PLCZ1: variants seen among roughly 807,000 people sequenced by gnomAD.
PLCZ1 encodes phospholipase C zeta 1, also known as 1-phosphatidylinositol 4,5-bisphosphate phosphodiesterase zeta-1.
In PLCZ1, 64 loss-of-function variants were observed where a neutral mutation model predicts 76.8. The observed-to-expected ratio is 0.83, with a 90% CI of 0.68 to 1.03. The LOEUF is 1.03. PLCZ1 is among the 50% of genes least tolerant of loss of function. The pLI, the probability that PLCZ1 is intolerant of heterozygous loss-of-function variation, is 0.00. For missense variants in PLCZ1, 751 were observed against 713.7 expected (o/e 1.05, Z -0.60); for synonymous variants, 248 against 230.8 (o/e 1.07, Z -0.68).
intron 3 of PLCZ1, among the ~76,000 whole-genome samples, chr12:18,727,531 C>T (rs1346315759): frequency 6.6e-6 from 1 of 152,070 alleles, no homozygotes; most frequent in East Asian, 1.9e-4. Flanking sequence ...GGGGCTAATT[C>T]TATTTGTTAA....
chr12:18,690,282 G>T (rs1164908660), intron 12 of PLCZ1, among the ~76,000 whole-genome samples: 1 of 152,022 alleles, frequency 6.6e-6, no homozygotes, highest in Non-Finnish European at 1.5e-5. Flanking sequence ...GGAGTGCAAC[G>T]GTGCGACCTC....
At chr12:18,719,984 A>G (rs1958344127) in intron 4 of PLCZ1, among the ~76,000 whole-genome samples, 1 of 152,082 alleles carries the variant, frequency 6.6e-6, no homozygotes, top group Non-Finnish European at 1.5e-5. Context: ...GCAGTGTTCC[A>G]GAAGCCTGCC....
chr12:18,734,382 G>T (rs1330080732), intron 3 of PLCZ1, among the ~76,000 whole-genome samples: 2 of 151,980 alleles, frequency 1.3e-5, no homozygotes, highest in African/African-American at 4.8e-5. Flanking sequence ...GAGGACTCTC[G>T]CTCTGTTGCC....
At chr12:18,724,832 G>T (rs905411827) in intron 3 of PLCZ1, among the ~76,000 whole-genome samples, 36 of 151,846 alleles carry the variant, frequency 2.4e-4, no homozygotes, top group Admixed American at 2.0e-4. Context: ...TGAAAATTTT[G>T]GTTATAGAAA....
chr12:18,673,627 A>G, the PLCZ1 span, among the ~76,000 whole-genome samples: 8 of 152,218 alleles, frequency 5.3e-5, no homozygotes, highest in Non-Finnish European at 1.0e-4. Context: ...AAGAATACGC[A>G]TTAATTATCT....
the PLCZ1 span, among the ~76,000 whole-genome samples, chr12:18,649,427 C>G: frequency 2.6e-5 from 4 of 152,136 alleles, no homozygotes; most frequent in Non-Finnish European, 5.9e-5. Flanking sequence ...CTCTTCTACT[C>G]AAATCATCAT....
the PLCZ1 span, among the ~76,000 whole-genome samples, chr12:18,648,875 T>A: frequency 1.3e-5 from 2 of 152,154 alleles, no homozygotes; most frequent in Non-Finnish European, 2.9e-5. Context: ...AAAAAAATTT[T>A]TTAATCTTGC....
the PLCZ1 span, among the ~76,000 whole-genome samples, chr12:18,650,694 G>T: frequency 2.6e-5 from 1 of 38,862 alleles, no homozygotes; most frequent in Non-Finnish European, 3.9e-5. Context: ...GTGTGTGTGT[G>T]TGTGTGTGTG....
intron 6 of PLCZ1, 85 bp downstream of exon 6, chr12:18,712,757 G>A (rs1957492379): frequency 6.7e-7 from 1 of 1,484,398 alleles, no homozygotes; most frequent in Non-Finnish European, 9.4e-7. Context: ...TCTAAAGTAA[G>A]GCTAAGCATT....
chr12:18,686,968 C>A (rs1360264146), intron 13 of PLCZ1, among the ~76,000 whole-genome samples: 1 of 152,030 alleles, frequency 6.6e-6, no homozygotes, highest in East Asian at 1.9e-4. Context: ...AATTAAGTTT[C>A]TAAGCATTTT....
chr12:18,652,429 G>A, the PLCZ1 span, among the ~76,000 whole-genome samples: 1 of 152,138 alleles, frequency 6.6e-6, no homozygotes, highest in African/African-American at 2.4e-5. Context: ...AAGAGGCATG[G>A]CAGAGATTCT....
At chr12:18,735,611 A>G (rs1437575248) in intron 3 of PLCZ1, among the ~76,000 whole-genome samples, 2 of 151,932 alleles carry the variant, frequency 1.3e-5, no homozygotes, top group South Asian at 2.1e-4. Context: ...GATGGGTTAT[A>G]TGGTTCTTGA....
At chr12:18,687,409 T>C (rs1953324139) in intron 13 of PLCZ1, among the ~76,000 whole-genome samples, 1 of 152,162 alleles carries the variant, frequency 6.6e-6, no homozygotes, top group South Asian at 2.1e-4. Context: ...TCAGTTCCAA[T>C]GTCTCCTTCA....
chr12:18,678,757 G>A (rs943391517), downstream of PLCZ1, among the ~76,000 whole-genome samples: 2 of 151,902 alleles, frequency 1.3e-5, no homozygotes, highest in African/African-American at 2.4e-5. Flanking sequence ...ATGAACATTT[G>A]GGCTGTTTCC....
In PLCZ1 at chr12:18,715,649, C is replaced by CTGTTTT. The variant is rs979900938; in HGVS notation, c.570-2669_570-2664dup. 4 of 152,178 alleles carry CTGTTTT rather than the reference C, an allele frequency of 2.6e-5. No homozygotes were observed. The Middle Eastern group carries it at 0.014, about 518-fold the overall frequency. The allele number at this position is 152,178 out of a possible 1,614,324, so 9.4% of individuals were successfully genotyped here. ...TAAATTTTGCTTTTTGTTTTTGTGT[C>CTGTTTT]TGTTTTTGTTTTTGTTTTTTTGTTG... is the stretch of plus-strand genomic sequence containing the variant. On this transcript the variant is annotated intron_variant, in intron 5 of 14. Transcript: ENST00000266505.
intron 3 of PLCZ1, among the ~76,000 whole-genome samples, chr12:18,724,979 G>C (rs1425130872): frequency 5.3e-5 from 8 of 152,166 alleles, no homozygotes; most frequent in Non-Finnish European, 1.2e-4. Flanking sequence ...CTGATAATTT[G>C]TTTTGTCTCG....
At chr12:18,652,749 A>G in the PLCZ1 span, among the ~76,000 whole-genome samples, 1 of 152,140 alleles carries the variant, frequency 6.6e-6, no homozygotes, top group Non-Finnish European at 1.5e-5. Flanking sequence ...GGCTTTTTAC[A>G]TGTATATTTT....
At chr12:18,692,121 A>G (rs1954188104) in intron 12 of PLCZ1, among the ~76,000 whole-genome samples, 1 of 152,168 alleles carries the variant, frequency 6.6e-6, no homozygotes, top group African/African-American at 2.4e-5. Context: ...ACAGCCAGGT[A>G]ATGGGGAGCA....
the PLCZ1 span, among the ~76,000 whole-genome samples, chr12:18,664,137 G>T: frequency 2.6e-5 from 4 of 152,184 alleles, no homozygotes; most frequent in Admixed American, 2.6e-4. Flanking sequence ...CGAGGGTCAG[G>T]ATGTGGAAGA....
Sources: gnomAD v4.1 joint callset for allele counts (sites outside exome capture counted in the v4.1 genomes callset) on GRCh38, gnomAD v4.1.1 for gene constraint, MANE v1.5 for transcripts, NCBI Gene and HGNC (gene_info 2026-07-23, HGNC 2026-07-21) for gene names.